Variants in A4GNT observed in about 807,000 individuals in gnomAD.
A4GNT encodes the protein alpha-1,4-N-acetylglucosaminyltransferase.
In A4GNT, 6 loss-of-function variants were observed where a neutral mutation model predicts 8.3. The observed-to-expected ratio is 0.72, with a 90% CI of 0.39 to 1.42. The LOEUF (loss-of-function observed/expected upper bound fraction) is 1.42, where lower values mean the gene tolerates loss of function less well. Ranked by LOEUF, A4GNT falls within the 40% of genes most tolerant of loss-of-function variation. A4GNT has a pLI of 0.02. For synonymous variants in A4GNT, 157 were observed against 159.8 expected (o/e 0.98, Z 0.13); for missense variants, 377 against 417.0 (o/e 0.90, Z 0.84).
At position 138,124,423 on chromosome 3, in the gene A4GNT, A is replaced by G. The variant is rs777006950; in HGVS notation, c.864T>C (p.His288=). 1.2e-6 allele frequency: 2 copies of G among 1,614,206 alleles called. No homozygotes were observed. Among genetic ancestry groups the G allele is most frequent in the East Asian group, 4.5e-5 (2 of 44,880 alleles). The change falls in exon 3 of 3, where the codon CAT becomes CAC. Residue 288 remains histidine, a synonymous_variant. Coordinates refer to ENST00000236709, the MANE Select transcript of A4GNT (RefSeq NM_016161.3). ...EPSFNVSYAL[H]LWNHMNQEGR... is the part of the protein sequence containing the mutation. Reference sequence around the variant, plus strand: ...CCTCCTGGTTCATGTGGTTCCACAAATGCAGGGCATAAGAGACATTGAAGC... The same window carrying G: ...CCTCCTGGTTCATGTGGTTCCACAAGTGCAGGGCATAAGAGACATTGAAGC...
rs2042773711 is a variant in A4GNT, at chr3:138,131,069, G to A, written c.188C>T (p.Pro63Leu). ...VFLETSERME[P>L]PHLVSCSVES... is the part of the protein sequence containing the mutation. Reference sequence around the variant, plus strand: ...TACGGAACAGGAGACCAAATGGGGTGGCTCCATTCTCTCTGAGGTCTCTAG... The same window carrying A: ...TACGGAACAGGAGACCAAATGGGGTAGCTCCATTCTCTCTGAGGTCTCTAG... The change falls in exon 2 of 3, where the codon CCA becomes CTA. Residue 63 changes from proline to leucine, a missense_variant. Transcript: ENST00000236709. The A allele has an allele frequency of 6.2e-7, 1 of 1,613,738 alleles. No individual in the cohort carries two copies. Among genetic ancestry groups the A allele is most frequent in the Non-Finnish European group, 8.5e-7 (1 of 1,179,694 alleles).
At chr3:138,128,348 A>G (rs1359042799) in intron 2 of A4GNT, among the ~76,000 whole-genome samples, 2 of 152,206 alleles carry the variant, frequency 1.3e-5, no homozygotes, top group Non-Finnish European at 2.9e-5. Flanking sequence ...CAGGCTTTAC[A>G]GCAAGCAAAG....
chr3:138,127,118 C>CAA (rs898641661), intron 2 of A4GNT, among the ~76,000 whole-genome samples: 593 of 31,936 alleles, frequency 0.019, 3 homozygotes, highest in Non-Finnish European at 0.023. Context: ...GACTCCATCT[C>CAA]AAAAAAAAAA....
upstream of A4GNT, among the ~76,000 whole-genome samples, chr3:138,133,256 A>C (rs926294240): frequency 2.0e-5 from 3 of 151,920 alleles, no homozygotes; most frequent in Non-Finnish European, 4.4e-5. Context: ...GTGTCCAAGG[A>C]CCCCAGAAAC....
chr3:138,130,097 TC>T (rs2042767376), intron 2 of A4GNT, among the ~76,000 whole-genome samples: 1 of 152,106 alleles, frequency 6.6e-6, no homozygotes. Context: ...TTTTTTTTTT[TC>T]AATAGATGTG....
chr3:138,132,244 C>G lies in A4GNT; in HGVS notation c.-59G>C, dbSNP rs2042782508. 6.6e-6 allele frequency: 1 copy of G among 152,324 alleles called. No homozygotes were observed. The highest frequency in any genetic ancestry group is 6.5e-5 in the Admixed American group (1 of 15,292). 9.4% of individuals were successfully genotyped at this position (152,324 alleles called of 1,614,324 possible). A position where few individuals can be genotyped will look rare whatever the true frequency, so the allele number is the denominator to read the frequency against. ...GCTTTCCTCACCAAAAATGTTAGCT[C>G]TAACCAAGGAGAACACAGATCTCAC... On this transcript the variant is annotated 5_prime_UTR_variant, in exon 1 of 3. Transcript: ENST00000236709.
Position 138,124,804 on chromosome 3 carries a change from G to GT in A4GNT, c.482dup (p.Tyr161Ter), listed in dbSNP as rs1559874175. 1.2e-6 allele frequency: 2 copies of GT among 1,614,130 alleles called. No individual in the cohort carries two copies. The highest frequency in any genetic ancestry group is 3.3e-5 in the Admixed American group (2 of 60,012). Residue 161 changes from tyrosine to a stop codon, truncating the protein, a stop_gained and frameshift_variant, in exon 3 of 3, where the codon TAC becomes TAAC. Transcript: ENST00000236709. LOFTEE classifies it low-confidence loss of function (END_TRUNC). ...DASRLAIIWK[Y>*]GGIYMDTDVI... ...CATCGGTGTCCATGTAGATGCCACCGTATTTCCAGATGATGGCCAGGCGGG... is the reference window on the plus strand; with the variant it reads ...CATCGGTGTCCATGTAGATGCCACCGTTATTTCCAGATGATGGCCAGGCGGG...
chr3:138,124,959 G>A, intron 2 of A4GNT, 81 bp from the exon 3 acceptor site: 1 of 1,505,804 alleles, frequency 6.6e-7, no homozygotes. Context: ...GGCCCAGAGA[G>A]GCTGGGGAGG....
At position 138,131,082 on chromosome 3, in the gene A4GNT, C is replaced by G; in HGVS notation, c.175G>C (p.Glu59Gln). ...ACCAAATGGGGTGGCTCCATTCTCTCTGAGGTCTCTAGAAACACAATGCCA... is the reference window on the plus strand; with the variant it reads ...ACCAAATGGGGTGGCTCCATTCTCTGTGAGGTCTCTAGAAACACAATGCCA... ...RRGIVFLETSERMEPPHLVSC... is the reference protein window; with the variant it reads ...RRGIVFLETSQRMEPPHLVSC... The change falls in exon 2 of 3, where the codon GAG becomes CAG. Residue 59 changes from glutamate (E) to glutamine (Q), a missense_variant. Physicochemically the swap from Glu to Gln is conservative, Grantham distance 29. Transcript: ENST00000236709. The G allele has an allele frequency of 6.2e-7, 1 of 1,613,632 alleles. No individual in the cohort carries two copies. Among genetic ancestry groups the G allele is most frequent in the Non-Finnish European group, 8.5e-7 (1 of 1,179,624 alleles).
Position 138,124,706 on chromosome 3 carries a change from A to G in A4GNT, c.581T>C (p.Ile194Thr). Residue 194 changes from isoleucine to threonine, a missense_variant, in exon 3 of 3, where the codon ATA (isoleucine) becomes ACA (threonine). Coordinates refer to ENST00000236709, the MANE Select transcript of A4GNT (RefSeq NM_016161.3). ...GGGGTGGTGGGGGAGGAACCCAAAT[A>G]TTCCATTACTAGAGTACCGAGAAGC... ...AQASRYSSNG[I>T]FGFLPHHPFL... 6.2e-7 allele frequency: 1 copy of G among 1,614,176 alleles called. No homozygotes were observed. The highest frequency in any genetic ancestry group is 1.1e-5 in the South Asian group (1 of 91,074).
intron 2 of A4GNT, 32 bp downstream of exon 2, chr3:138,130,817 C>G: frequency 6.2e-7 from 1 of 1,600,964 alleles, no homozygotes; most frequent in Non-Finnish European, 8.5e-7. Context: ...ATATACAATT[C>G]GTTGACATTT....
chr3:138,125,217 C>T (rs902055612), intron 2 of A4GNT, among the ~76,000 whole-genome samples: 6 of 151,940 alleles, frequency 3.9e-5, no homozygotes, highest in Non-Finnish European at 7.4e-5. Flanking sequence ...CATTCTTCAA[C>T]GTGGGTGTAC....
chr3:138,124,857 TTC>T lies in A4GNT; in HGVS notation c.428_429del (p.Arg143LysfsTer35). On this transcript the variant is annotated frameshift_variant, in exon 3 of 3. Coordinates refer to ENST00000236709, the MANE Select transcript of A4GNT (RefSeq NM_016161.3). LOFTEE classifies it low-confidence loss of function (END_TRUNC). ...WYNQINASAE[R>X]NWLHISSDAS... The stretch of plus-strand genomic sequence containing the variant: ...GCATCCGAGCTGATGTGGAGCCAGT[TTC>T]TCTCTGCGCTGGCGTTGATCTGCAG... 6.2e-7 allele frequency: 1 copy of T among 1,612,350 alleles called. No individual in the cohort carries two copies.
intron 1 of A4GNT, among the ~76,000 whole-genome samples, chr3:138,131,777 T>G (rs1016310996): frequency 2.0e-5 from 3 of 152,228 alleles, no homozygotes; most frequent in Non-Finnish European, 2.9e-5. Flanking sequence ...TGACTAACTT[T>G]AAGATCCATT....
intron 2 of A4GNT, among the ~76,000 whole-genome samples, chr3:138,126,623 C>T (rs369196991): frequency 2.2e-4 from 31 of 143,644 alleles, no homozygotes; most frequent in East Asian, 1.7e-3. Flanking sequence ...GTCAGGAGTT[C>T]GAGACCAGCC....
At chr3:138,132,853 G>A (rs1302022327), upstream of A4GNT, among the ~76,000 whole-genome samples, 3 of 152,334 alleles carry the variant, frequency 2.0e-5, no homozygotes, top group East Asian at 1.9e-4. Flanking sequence ...TCTAGAATGA[G>A]AAGTGATTCC....
Position 138,124,318 on chromosome 3 carries a change from C to G in A4GNT, c.969G>C (p.Leu323=), listed in dbSNP as rs749300342. 5 of 1,614,090 alleles carry G rather than the reference C, an allele frequency of 3.1e-6. No homozygotes were observed. The South Asian group carries it at 5.5e-5, about 18-fold the overall frequency. Residue 323 remains leucine, a synonymous_variant, in exon 3 of 3, where the codon CTG becomes CTC. Coordinates refer to ENST00000236709, the MANE Select transcript of A4GNT (RefSeq NM_016161.3). ...RKHCPRTYRD[L]IKGPEGSVTG... ...TCACTGACCCCTCTGGGCCTTTAAT[C>G]AGGTCCCTGTAAGTCCTGGGACAGT...
Position 138,131,257 on chromosome 3 carries a change from G to A in A4GNT, c.-1C>T, listed in dbSNP as rs765963296. The A allele has an allele frequency of 3.2e-6, 5 of 1,576,654 alleles. No homozygotes were observed. The highest frequency in any genetic ancestry group is 1.7e-4 in the Middle Eastern group (1 of 5,878). On this transcript the variant is annotated 5_prime_UTR_variant, in exon 2 of 3. Transcript: ENST00000236709. ...GGGAGAGCTGGAGCTCCTTCCGCAT[G>A]TCCTCTTCTCTGTGCCAGCCTGCTC...
Position 138,131,151 on chromosome 3 carries a change from A to T in A4GNT, c.106T>A (p.Phe36Ile), listed in dbSNP as rs769875887. 6.2e-7 allele frequency: 1 copy of T among 1,613,512 alleles called. No individual in the cohort carries two copies. The highest frequency in any genetic ancestry group is 1.1e-5 in the South Asian group (1 of 91,060). The change falls in exon 2 of 3, where the codon TTC (phenylalanine) becomes ATC (isoleucine). Residue 36 changes from phenylalanine (F) to isoleucine (I), a missense_variant. Physicochemically the swap from Phe to Ile is conservative, Grantham distance 21. Coordinates refer to ENST00000236709, the MANE Select transcript of A4GNT (RefSeq NM_016161.3). ...KSSCLFCLPS[F>I]KSHQGLEALL... ...GCTTCCAGCCCCTGGTGGGACTTGA[A>T]AGAAGGCAAACAGAAGAGGCAGCTG...
Sources: allele counts gnomAD v4.1 joint callset (sites outside exome capture counted in the v4.1 genomes callset), GRCh38; gene constraint gnomAD v4.1.1; transcripts MANE v1.5; gene names NCBI Gene and HGNC (gene_info 2026-07-23, HGNC 2026-07-21).